The following ARID1B variants were observed in gnomAD, a reference collection of about 807,000 sequenced individuals.
The protein encoded by ARID1B is AT-rich interaction domain 1B.
Under a neutral mutation model 212.3 loss-of-function variants are expected in ARID1B, and 30 were observed. The observed-to-expected ratio is 0.14, with a 90% CI of 0.11 to 0.19. ARID1B has a LOEUF of 0.19. Among genes scored for constraint, ARID1B ranks in the 10% least tolerant of loss-of-function variants. The probability of loss-of-function intolerance (pLI) is 1.00; values close to 1 mark genes in which losing one functional copy is unlikely to be tolerated. For synonymous variants in ARID1B, 1,402 were observed against 1,301.7 expected (o/e 1.08, Z -1.66); for missense variants, 2,891 against 3,204.0 (o/e 0.90, Z 2.36).
chr6:156,890,802 C>T (rs1227680651), intron 2 of ARID1B, among the ~76,000 whole-genome samples: 19 of 152,212 alleles, frequency 1.2e-4, no homozygotes, highest in Admixed American at 1.2e-3. Context: ...ACAGTGCATA[C>T]AGTAAGTGCT....
At chr6:156,864,518 G>A (rs1785546019) in intron 2 of ARID1B, among the ~76,000 whole-genome samples, 1 of 152,194 alleles carries the variant, frequency 6.6e-6, no homozygotes, top group South Asian at 2.1e-4. Flanking sequence ...GGTTATATGT[G>A]TAAATGGTTT....
At chr6:157,061,296 G>A (rs1783327085) in intron 4 of ARID1B, among the ~76,000 whole-genome samples, 1 of 152,220 alleles carries the variant, frequency 6.6e-6, no homozygotes, top group Non-Finnish European at 1.5e-5. Context: ...ATTTTAAATG[G>A]GAGCAATAAT....
intron 7 of ARID1B, among the ~76,000 whole-genome samples, chr6:157,137,224 G>A (rs1454738975): frequency 3.3e-5 from 5 of 152,060 alleles, no homozygotes; most frequent in Non-Finnish European, 5.9e-5. Context: ...GAAGAAGGGG[G>A]AATGTTAGAA....
chr6:156,803,474 A>G (rs1382001452), intron 1 of ARID1B, among the ~76,000 whole-genome samples: 3 of 151,948 alleles, frequency 2.0e-5, no homozygotes. Flanking sequence ...TTATCCATCC[A>G]CCATCTTCCT....
intron 8 of ARID1B, among the ~76,000 whole-genome samples, chr6:157,162,894 G>A (rs1381497108): frequency 6.6e-6 from 1 of 152,146 alleles, no homozygotes; most frequent in Non-Finnish European, 1.5e-5. Flanking sequence ...CATTTCTACA[G>A]CCATGGACTC....
chr6:156,866,014 T>A (rs1278279172), intron 2 of ARID1B, among the ~76,000 whole-genome samples: 1 of 152,172 alleles, frequency 6.6e-6, no homozygotes. Flanking sequence ...CCCAAGTAAT[T>A]ATTGGTTGCC....
At chr6:156,785,498 T>C (rs1779569645) in intron 1 of ARID1B, among the ~76,000 whole-genome samples, 1 of 151,728 alleles carries the variant, frequency 6.6e-6, no homozygotes, top group African/African-American at 2.4e-5. Flanking sequence ...TTTTTTGTAA[T>C]GGGATGCTAA....
At chr6:157,039,070 T>G (rs1377543391) in intron 4 of ARID1B, among the ~76,000 whole-genome samples, 1 of 152,058 alleles carries the variant, frequency 6.6e-6, no homozygotes, top group Non-Finnish European at 1.5e-5. Context: ...CAGGTCTAAC[T>G]ATGTTGCCCA....
chr6:157,081,138 G>A (rs1264929689), intron 4 of ARID1B, among the ~76,000 whole-genome samples: 2 of 152,214 alleles, frequency 1.3e-5, no homozygotes, highest in East Asian at 3.8e-4. Context: ...CCCCTTAAAA[G>A]AGACTGCCTG....
At chr6:157,029,098 G>A (rs1351043339) in intron 4 of ARID1B, among the ~76,000 whole-genome samples, 1 of 152,140 alleles carries the variant, frequency 6.6e-6, no homozygotes, top group African/African-American at 2.4e-5. Flanking sequence ...CAGTTTATAA[G>A]AACTAATCCT....
At chr6:156,844,131 G>A (rs1009056923) in intron 2 of ARID1B, among the ~76,000 whole-genome samples, 4 of 152,242 alleles carry the variant, frequency 2.6e-5, no homozygotes, top group African/African-American at 9.6e-5. Context: ...ATAGAATCAA[G>A]CTTTCTCCCC....
At chr6:156,927,533 G>A (rs1228220963) in intron 3 of ARID1B, among the ~76,000 whole-genome samples, 1 of 152,102 alleles carries the variant, frequency 6.6e-6, no homozygotes, top group African/African-American at 2.4e-5. Context: ...CGCTTCTGGT[G>A]GCATTATTGA....
chr6:157,118,558 A>G (rs1436377391), intron 6 of ARID1B, among the ~76,000 whole-genome samples: 1 of 152,218 alleles, frequency 6.6e-6, no homozygotes, highest in African/African-American at 2.4e-5. Context: ...AATAAACTCA[A>G]ATGGGAGGCT....
intron 9 of ARID1B, chr6:157,169,663 ATT>A (rs1562319912): frequency 6.6e-6 from 1 of 152,052 alleles, no homozygotes; most frequent in East Asian, 1.9e-4. Context: ...TTTGTGTTGA[ATT>A]TTATAATATT....
chr6:156,864,859 A>G (rs1785572958), intron 2 of ARID1B, among the ~76,000 whole-genome samples: 1 of 152,164 alleles, frequency 6.6e-6, no homozygotes, highest in Non-Finnish European at 1.5e-5. Flanking sequence ...GGGTGGGGAA[A>G]CACTATTCAG....
intron 2 of ARID1B, among the ~76,000 whole-genome samples, chr6:156,835,295 C>A (rs990584075): frequency 1.3e-5 from 2 of 149,324 alleles, no homozygotes; most frequent in African/African-American, 4.9e-5. Flanking sequence ...TCCTATAATA[C>A]CTAACTGGTT....
At chr6:157,082,761 GTCTGC>G (rs1389611159) in intron 4 of ARID1B, among the ~76,000 whole-genome samples, 1 of 152,206 alleles carries the variant, frequency 6.6e-6, no homozygotes, top group Non-Finnish European at 1.5e-5. Flanking sequence ...GCTGTTTGCA[GTCTGC>G]TCTGTTGCTG....
At chr6:157,090,626 A>T (rs1204158235) in intron 5 of ARID1B, among the ~76,000 whole-genome samples, 1 of 152,270 alleles carries the variant, frequency 6.6e-6, no homozygotes, top group Non-Finnish European at 1.5e-5. Flanking sequence ...AGACAGAAAC[A>T]AAATAGAGTT....
chr6:157,078,888 G>A (rs1232416907), intron 4 of ARID1B, among the ~76,000 whole-genome samples: 1 of 152,176 alleles, frequency 6.6e-6, no homozygotes, highest in Non-Finnish European at 1.5e-5. Flanking sequence ...AAACGTATCA[G>A]GTGAAAGTCA....
Sources: allele counts gnomAD v4.1 joint callset (sites outside exome capture counted in the v4.1 genomes callset), GRCh38; gene constraint gnomAD v4.1.1; transcripts MANE v1.5; gene names NCBI Gene and HGNC (gene_info 2026-07-23, HGNC 2026-07-21).